DLC1: variants seen among roughly 807,000 people sequenced by gnomAD.
DLC1 encodes the protein DLC1 Rho GTPase activating protein, also known as rho GTPase-activating protein 7.
A neutral mutation model predicts 140.3 loss-of-function variants in DLC1; 54 were observed. That is an observed-to-expected ratio of 0.38 (90% CI 0.31 to 0.48). DLC1 has a LOEUF of 0.48. Ranked by LOEUF, DLC1 falls within the 20% of genes least tolerant of loss-of-function variation. DLC1 has a pLI of 0.96. For missense variants in DLC1, 2,536 were observed against 1,907.0 expected, an observed-to-expected ratio of 1.33 and a Z score of -6.14; for synonymous variants, 986 against 728.1, an observed-to-expected ratio of 1.35 and a Z score of -5.70.
At chr8:13,431,097 A>T (rs1380559142) in intron 2 of DLC1, among the ~76,000 whole-genome samples, 1 of 152,256 alleles carries the variant, frequency 6.6e-6, no homozygotes, top group South Asian at 2.1e-4. Flanking sequence ...TCCTTCTCAG[A>T]AACACTATTC....
intron 4 of DLC1, among the ~76,000 whole-genome samples, chr8:13,345,426 A>G (rs1834283625): frequency 6.6e-6 from 1 of 151,942 alleles, no homozygotes; most frequent in African/African-American, 2.4e-5. Context: ...GGGAGTGGCA[A>G]TGAGGGAGGG....
chr8:13,206,408 T>C (rs1303555597), intron 5 of DLC1, among the ~76,000 whole-genome samples: 2 of 152,206 alleles, frequency 1.3e-5, no homozygotes, highest in Non-Finnish European at 2.9e-5. Flanking sequence ...ATGTTTCTAA[T>C]ACGTCTCGGC....
At chr8:13,143,643 A>G (rs1028070510) in intron 5 of DLC1, among the ~76,000 whole-genome samples, 4 of 150,206 alleles carry the variant, frequency 2.7e-5, no homozygotes, top group Admixed American at 6.6e-5. Flanking sequence ...TTTTCCTGCT[A>G]AATTGGTGTC....
intron 1 of DLC1, among the ~76,000 whole-genome samples, chr8:13,545,133 T>C (rs998759194): frequency 2.0e-5 from 3 of 152,154 alleles, no homozygotes; most frequent in South Asian, 2.1e-4. Flanking sequence ...GTAAATAAAT[T>C]TAAACTGCAA....
At chr8:13,501,275 T>C (rs1801803336) in intron 1 of DLC1, among the ~76,000 whole-genome samples, 1 of 152,102 alleles carries the variant, frequency 6.6e-6, no homozygotes, top group African/African-American at 2.4e-5. Flanking sequence ...TACAAACACA[T>C]ACCAGGTACC....
At chr8:13,195,591 A>G (rs994573361) in intron 5 of DLC1, among the ~76,000 whole-genome samples, 3 of 152,210 alleles carry the variant, frequency 2.0e-5, no homozygotes, top group Admixed American at 6.5e-5. Flanking sequence ...ACTTCTGTGA[A>G]GAAGGAGAAC....
chr8:13,096,291 C>T (rs1033134215), intron 10 of DLC1, among the ~76,000 whole-genome samples: 3 of 152,056 alleles, frequency 2.0e-5, no homozygotes, highest in Non-Finnish European at 4.4e-5. Context: ...GTGGGCCACT[C>T]CGAAATGAGA....
intron 1 of DLC1, among the ~76,000 whole-genome samples, chr8:13,581,371 G>C (rs145822304): frequency 1.0e-3 from 156 of 152,236 alleles, no homozygotes; most frequent in African/African-American, 3.6e-3. Flanking sequence ...AACTCTTGCT[G>C]TTCCCCCAGT....
Position 13,566,879 on chromosome 8 carries a change from C to G in DLC1, c.-126+37658G>C, listed in dbSNP as rs1315325655. 4 of 1,366,954 alleles carry G rather than the reference C, an allele frequency of 2.9e-6. No individual in the cohort carries two copies. In the African/African-American group the frequency reaches 5.9e-5, roughly 20 times the overall value. 84.7% of individuals were successfully genotyped at this position (1,366,954 alleles called of 1,614,324 possible). ...GAAGGCGTCTCCCGGAAGACGACCTCCGCAGAGCTGATGGCATTGAGATCC... is the reference window on the plus strand; with the variant it reads ...GAAGGCGTCTCCCGGAAGACGACCTGCGCAGAGCTGATGGCATTGAGATCC... On this transcript the variant is annotated intron_variant, in intron 1 of 1. Transcript: ENST00000631382.
At chr8:13,572,985 A>G (rs1363796212) in intron 1 of DLC1, among the ~76,000 whole-genome samples, 12 of 152,052 alleles carry the variant, frequency 7.9e-5, no homozygotes. Flanking sequence ...GAATTTTAGG[A>G]TAGGTTTTTC....
At chr8:13,516,864 ACAGT>A (rs1241245151), upstream of DLC1, among the ~76,000 whole-genome samples, 6 of 152,154 alleles carry the variant, frequency 3.9e-5, no homozygotes, top group Non-Finnish European at 8.8e-5. Context: ...CAATTTTCTC[ACAGT>A]CAAATGATAC....
chr8:13,538,139 G>T (rs1313701492), intron 1 of DLC1, among the ~76,000 whole-genome samples: 1 of 152,030 alleles, frequency 6.6e-6, no homozygotes, highest in East Asian at 1.9e-4. Flanking sequence ...ACTATCTGAG[G>T]TTCTGTGGAG....
intron 5 of DLC1, among the ~76,000 whole-genome samples, chr8:13,122,954 T>C (rs1358252539): frequency 6.6e-6 from 1 of 152,160 alleles, no homozygotes; most frequent in East Asian, 1.9e-4. Flanking sequence ...TCATCCTACA[T>C]TTTCCCTTTC....
rs769194393 is a variant in DLC1, at chr8:13,088,511, G to C, written c.4268C>G (p.Pro1423Arg). Residue 1423 changes from proline to arginine, a missense_variant, in exon 16 of 18, where the codon CCT becomes CGT. By Grantham distance (103) the Pro-to-Arg change is moderately radical. Coordinates refer to ENST00000276297, the MANE Select transcript of DLC1 (RefSeq NM_182643.3). ...CCTTAAAACAACGTAGTCTCGAGCA[G>C]GATGAGGTGCCATACTGTTTTGGAC... ...QYVQNSMAPH[P>R]ARDYVVLRTW... 1.9e-6 allele frequency: 3 copies of C among 1,614,240 alleles called. No homozygotes were observed. Among genetic ancestry groups the C allele is most frequent in the South Asian group, 1.1e-5 (1 of 91,088 alleles).
intron 4 of DLC1, among the ~76,000 whole-genome samples, chr8:13,326,144 G>A (rs939984000): frequency 3.9e-5 from 6 of 152,174 alleles, no homozygotes; most frequent in Non-Finnish European, 7.3e-5. Context: ...CAGCATCCCC[G>A]CTGTCAAGTG....
At chr8:13,478,294 C>T (rs536671573) in intron 2 of DLC1, among the ~76,000 whole-genome samples, 22 of 152,186 alleles carry the variant, frequency 1.4e-4, no homozygotes, top group Non-Finnish European at 2.2e-4. Flanking sequence ...CACTTTTAAA[C>T]GATCAGAACT....
intron 5 of DLC1, among the ~76,000 whole-genome samples, chr8:13,279,080 G>A (rs555984833): frequency 2.0e-4 from 31 of 152,176 alleles, no homozygotes; most frequent in Non-Finnish European, 4.0e-4. Context: ...AGGCTCAGTC[G>A]ATACTAAGCT....
At position 13,553,334 on chromosome 8, in the gene DLC1, C is replaced by T. The variant is rs953414256; in HGVS notation, c.-126+51203G>A. On this transcript the variant is annotated intron_variant, in intron 1 of 1. Transcript: ENST00000631382. Reference sequence around the variant, plus strand: ...ATTTCTCCATGCATGTACTATATCCCTTTCTCTCTCATGTGTTGTAGAGTA... The same window carrying T: ...ATTTCTCCATGCATGTACTATATCCTTTTCTCTCTCATGTGTTGTAGAGTA... Among the ~76,000 whole-genome samples, 5 of 149,060 alleles carry T rather than the reference C, an allele frequency of 3.4e-5. No homozygotes were observed. In the East Asian group the frequency reaches 6.0e-4, roughly 18 times the overall value.
At chr8:13,143,850 G>GAGAGAGAGACAT (rs1395072506) in intron 5 of DLC1, among the ~76,000 whole-genome samples, 3 of 147,852 alleles carry the variant, frequency 2.0e-5, no homozygotes, top group East Asian at 1.9e-4. Context: ...GAGAGAGAGA[G>GAGAGAGAGACAT]AGACATAGAC....
Sources: gnomAD v4.1 joint callset for allele counts (sites outside exome capture counted in the v4.1 genomes callset) on GRCh38, gnomAD v4.1.1 for gene constraint, MANE v1.5 for transcripts, NCBI Gene and HGNC (gene_info 2026-07-23, HGNC 2026-07-21) for gene names.